Variants in AHCYL2 observed in about 807,000 individuals in gnomAD.
AHCYL2 encodes S-adenosylhomocysteine hydrolase-like protein 2.
AHCYL2 carries 28 observed loss-of-function variants against 81.4 expected under a neutral mutation model. The ratio of observed to expected loss-of-function variants is 0.34; its 90% CI spans 0.25 to 0.47. The LOEUF (loss-of-function observed/expected upper bound fraction) is 0.47. Among genes scored for constraint, AHCYL2 ranks in the 20% least tolerant of loss-of-function variants. The pLI is 1.00. For synonymous variants in AHCYL2, 272 were observed against 290.2 expected, an observed-to-expected ratio of 0.94 and a Z score of 0.64; for missense variants, 551 against 785.1, an observed-to-expected ratio of 0.70 and a Z score of 3.56.
At chr7:129,417,448 C>T (rs933182411) in intron 12 of AHCYL2, among the ~76,000 whole-genome samples, 2 of 152,206 alleles carry the variant, frequency 1.3e-5, no homozygotes, top group Non-Finnish European at 2.9e-5. Flanking sequence ...ATCTGACTTA[C>T]GTTTTTAAAG....
At chr7:129,375,943 AT>A in intron 1 of AHCYL2, 1 of 1,536,044 alleles carries the variant, frequency 6.5e-7, no homozygotes, top group Non-Finnish European at 8.7e-7. Context: ...CTAAGCTCTT[AT>A]TTACCAGTCT....
intron 1 of AHCYL2, among the ~76,000 whole-genome samples, chr7:129,242,360 C>G (rs549213258): frequency 8.3e-4 from 126 of 151,078 alleles, no homozygotes; most frequent in Non-Finnish European, 1.4e-3. Flanking sequence ...AAATGAACAA[C>G]CTTACTCATG....
At chr7:129,303,414 A>C (rs1427127940) in intron 1 of AHCYL2, among the ~76,000 whole-genome samples, 2 of 151,990 alleles carry the variant, frequency 1.3e-5, no homozygotes, top group African/African-American at 2.4e-5. Context: ...AAATTTATCC[A>C]TTTCTTCTAG....
At chr7:129,312,326 T>A (rs889221826) in intron 1 of AHCYL2, among the ~76,000 whole-genome samples, 2 of 152,224 alleles carry the variant, frequency 1.3e-5, no homozygotes, top group Non-Finnish European at 2.9e-5. Flanking sequence ...ATTCAAGTGA[T>A]CCTCCTGCTT....
At chr7:129,276,130 T>C (rs1399983874) in intron 1 of AHCYL2, among the ~76,000 whole-genome samples, 1 of 152,012 alleles carries the variant, frequency 6.6e-6, no homozygotes, top group Admixed American at 6.6e-5. Flanking sequence ...AAGTAACTCA[T>C]AGATCAAAGA....
In AHCYL2 at chr7:129,385,052, T is replaced by C. The variant is rs139719821; in HGVS notation, c.476-4004T>C. 1.6e-3 allele frequency among the ~76,000 whole-genome samples: 248 copies of C among 152,352 alleles called. 1 individual carries two copies. The highest frequency in any genetic ancestry group is 3.4e-3 in the Admixed American group (52 of 15,308). On this transcript the variant is annotated intron_variant, in intron 2 of 16. Transcript: ENST00000325006. ...GATATATTTCTGAATAAGCTGTCTT[T>C]GCAATGAGTTACTTGGTTAAGGATG...
chr7:129,227,269 T>C (rs1191789303), intron 1 of AHCYL2, among the ~76,000 whole-genome samples: 1 of 152,088 alleles, frequency 6.6e-6, no homozygotes, highest in Non-Finnish European at 1.5e-5. Context: ...CCTCCCATCA[T>C]GGCTTAAGTG....
At chr7:129,381,523 T>C (rs1794955471) in intron 2 of AHCYL2, among the ~76,000 whole-genome samples, 1 of 152,210 alleles carries the variant, frequency 6.6e-6, no homozygotes, top group Admixed American at 6.5e-5. Context: ...AATGTATCTG[T>C]TTAATGATAC....
At chr7:129,375,813 G>T (rs1794655852) in intron 1 of AHCYL2, 4 of 1,533,798 alleles carry the variant, frequency 2.6e-6, no homozygotes, top group South Asian at 1.2e-5. Context: ...AAGTTTAAAG[G>T]CCTGATCACA....
At chr7:129,283,084 A>T (rs886411481) in intron 1 of AHCYL2, among the ~76,000 whole-genome samples, 1 of 152,228 alleles carries the variant, frequency 6.6e-6, no homozygotes, top group South Asian at 2.1e-4. Flanking sequence ...TCAGTACCCC[A>T]CTGAGTACTT....
At chr7:129,300,114 C>G (rs1453467482) in intron 1 of AHCYL2, among the ~76,000 whole-genome samples, 1 of 152,140 alleles carries the variant, frequency 6.6e-6, no homozygotes, top group African/African-American at 2.4e-5. Flanking sequence ...ATGAGGGTAT[C>G]TATCAACTCA....
chr7:129,369,705 A>C (rs1794287508), intron 1 of AHCYL2, among the ~76,000 whole-genome samples: 1 of 151,998 alleles, frequency 6.6e-6, no homozygotes, highest in Admixed American at 6.6e-5. Context: ...GGTGTGCACC[A>C]CCATACCGGG....
intron 1 of AHCYL2, among the ~76,000 whole-genome samples, chr7:129,316,294 C>A (rs1048391419): frequency 2.0e-5 from 3 of 152,130 alleles, no homozygotes; most frequent in Non-Finnish European, 4.4e-5. Flanking sequence ...TGACTGAATT[C>A]CAACTACAAG....
intron 2 of AHCYL2, among the ~76,000 whole-genome samples, chr7:129,383,086 C>T (rs1795038720): frequency 6.6e-6 from 1 of 151,964 alleles, no homozygotes; most frequent in Non-Finnish European, 1.5e-5. Flanking sequence ...TCAAATCTGT[C>T]TCCTATATAC....
intron 1 of AHCYL2, among the ~76,000 whole-genome samples, chr7:129,229,677 T>TC: frequency 6.6e-6 from 1 of 152,236 alleles, no homozygotes. Flanking sequence ...GCTTAGGTCA[T>TC]CCCAAGACCA....
intron 10 of AHCYL2, among the ~76,000 whole-genome samples, chr7:129,409,101 C>A (rs1189131323): frequency 6.7e-6 from 1 of 149,370 alleles, no homozygotes; most frequent in African/African-American, 2.5e-5. Flanking sequence ...AAAAAAAAAA[C>A]ACACACAGTT....
At chr7:129,283,510 T>C in intron 1 of AHCYL2, 1 of 451,202 alleles carries the variant, frequency 2.2e-6, no homozygotes, top group South Asian at 1.6e-5. Context: ...TTGAAATGTT[T>C]CAGGATAAAC....
chr7:129,248,630 T>G (rs1260603062), intron 1 of AHCYL2, among the ~76,000 whole-genome samples: 2 of 151,994 alleles, frequency 1.3e-5, no homozygotes, highest in Admixed American at 1.3e-4. Context: ...ATTTTTTTTT[T>G]TTTTTCAAAA....
intron 11 of AHCYL2, among the ~76,000 whole-genome samples, chr7:129,411,511 G>A (rs577024054): frequency 7.9e-5 from 12 of 152,258 alleles, no homozygotes; most frequent in Admixed American, 7.2e-4. Flanking sequence ...TGTAATCCCA[G>A]CACTTCAAGA....
Sources: allele counts gnomAD v4.1 joint callset (sites outside exome capture counted in the v4.1 genomes callset), GRCh38; gene constraint gnomAD v4.1.1; transcripts MANE v1.5; gene names NCBI Gene and HGNC (gene_info 2026-07-23, HGNC 2026-07-21).